The following FRMD3 variants were observed in gnomAD, a reference collection of about 807,000 sequenced individuals.
FRMD3 encodes FERM domain containing 3.
In FRMD3, 33 loss-of-function variants were observed where a neutral mutation model predicts 70.2. The observed-to-expected ratio is 0.47, with a 90% CI of 0.36 to 0.63. FRMD3 has a LOEUF of 0.63. FRMD3 is among the 20% of genes least tolerant of loss of function. The pLI, the probability that FRMD3 is intolerant of heterozygous loss-of-function variation, is 0.00. For synonymous variants in FRMD3, 279 were observed against 255.9 expected, an observed-to-expected ratio of 1.09 and a Z score of -0.86; for missense variants, 632 against 711.4, an observed-to-expected ratio of 0.89 and a Z score of 1.27.
chr9:83,406,897 AT>A (rs762597824), intron 1 of FRMD3, among the ~76,000 whole-genome samples: 23 of 151,950 alleles, frequency 1.5e-4, no homozygotes, highest in Non-Finnish European at 2.9e-4. Flanking sequence ...CCTCCAGTTT[AT>A]TTTATCACTC....
chr9:83,356,433 T>G (rs1041242757), intron 3 of FRMD3, among the ~76,000 whole-genome samples: 3 of 151,660 alleles, frequency 2.0e-5, no homozygotes, highest in East Asian at 3.9e-4. Flanking sequence ...CCGCCACCAC[T>G]TCCGGCTAAT....
chr9:83,456,729 C>A (rs534599114), intron 1 of FRMD3, among the ~76,000 whole-genome samples: 1 of 152,130 alleles, frequency 6.6e-6, no homozygotes, highest in Non-Finnish European at 1.5e-5. Flanking sequence ...CCTGTAATCC[C>A]AGCACTTTGG....
At chr9:83,449,758 G>A (rs1587863842) in intron 1 of FRMD3, among the ~76,000 whole-genome samples, 1 of 152,334 alleles carries the variant, frequency 6.6e-6, no homozygotes, top group East Asian at 1.9e-4. Context: ...TGATGGACTT[G>A]ATCTCAGAAG....
intron 10 of FRMD3, among the ~76,000 whole-genome samples, chr9:83,300,657 T>C (rs1168100650): frequency 1.3e-5 from 2 of 152,210 alleles, no homozygotes; most frequent in Non-Finnish European, 2.9e-5. Flanking sequence ...ATCCATGTAA[T>C]TGAAAACCAT....
chr9:83,461,314 G>T (rs1253196210), intron 1 of FRMD3, among the ~76,000 whole-genome samples: 4 of 152,172 alleles, frequency 2.6e-5, no homozygotes, highest in Non-Finnish European at 4.4e-5. Flanking sequence ...AGCTGGAAAA[G>T]ATAAGAGGTT....
chr9:83,373,630 C>T (rs920904772), intron 2 of FRMD3, among the ~76,000 whole-genome samples: 1 of 103,100 alleles, frequency 9.7e-6, no homozygotes, highest in Non-Finnish European at 2.1e-5. Context: ...CTGGCCCTCT[C>T]TACAGCACAT....
chr9:83,254,080 A>C (rs542887647), intron 13 of FRMD3, among the ~76,000 whole-genome samples: 1 of 151,134 alleles, frequency 6.6e-6, no homozygotes, highest in South Asian at 2.1e-4. Flanking sequence ...ACACTTGAAC[A>C]CAGGAAGGGG....
At position 83,244,967 on chromosome 9, in the gene FRMD3, CAT is replaced by C. The variant is rs989240082; in HGVS notation, c.*2949_*2950del. On this transcript the variant is annotated 3_prime_UTR_variant, in exon 14 of 14. Coordinates refer to ENST00000304195, the MANE Select transcript of FRMD3 (RefSeq NM_174938.6). Reference sequence around the variant, plus strand: ...ATATTGTGTGTGTATATGTATTTGCCATATGTGTGTGTGTATTATATATATTT... The same window carrying C: ...ATATTGTGTGTGTATATGTATTTGCCATGTGTGTGTGTATTATATATATTT... 1.0e-6 allele frequency: 1 copy of C among 981,716 alleles called. No homozygotes were observed. The highest frequency in any genetic ancestry group is 1.2e-6 in the Non-Finnish European group (1 of 826,680). The allele number at this position is 981,716 out of a possible 1,614,324, so 60.8% of individuals were successfully genotyped here.
chr9:83,261,517 T>G (rs1341790184), intron 13 of FRMD3, among the ~76,000 whole-genome samples: 1 of 152,200 alleles, frequency 6.6e-6, no homozygotes, highest in Non-Finnish European at 1.5e-5. Flanking sequence ...TTGGTTTCCA[T>G]CCAATGATTC....
intron 4 of FRMD3, 136 bp from the exon 5 acceptor site, chr9:83,343,423 T>C (rs1823842549): frequency 3.2e-6 from 2 of 628,398 alleles, no homozygotes. Flanking sequence ...GCCCAGCCCT[T>C]TGTAGAACAA....
intron 1 of FRMD3, among the ~76,000 whole-genome samples, chr9:83,413,761 C>T (rs1368839657): frequency 6.6e-6 from 1 of 152,024 alleles, no homozygotes; most frequent in Non-Finnish European, 1.5e-5. Flanking sequence ...ACAAAACTGC[C>T]TTCACTAATC....
At chr9:83,578,494 T>G in the FRMD3 span, among the ~76,000 whole-genome samples, 1 of 152,010 alleles carries the variant, frequency 6.6e-6, no homozygotes, top group Non-Finnish European at 1.5e-5. Flanking sequence ...GTGAGATTTA[T>G]CCCAGGGATG....
intron 4 of FRMD3, among the ~76,000 whole-genome samples, chr9:83,345,840 A>G (rs1384976579): frequency 6.6e-6 from 1 of 152,184 alleles, no homozygotes; most frequent in East Asian, 1.9e-4. Context: ...CCACACTTTG[A>G]GTAATAAGGT....
intron 4 of FRMD3, among the ~76,000 whole-genome samples, chr9:83,345,150 C>G (rs142771010): frequency 1.3e-5 from 2 of 152,202 alleles, no homozygotes; most frequent in African/African-American, 4.8e-5. Context: ...CTTTGTCTAA[C>G]ATCTGCTTTA....
rs187851276 is a variant in FRMD3 at position 83,483,986 on chromosome 9, T to C, written c.147+54099A>G. ...TCTGATTCTAAGGATATATACATAATAGGCCTTCTGAGTCACTAAAGAGAA... is the reference window on the plus strand; with the variant it reads ...TCTGATTCTAAGGATATATACATAACAGGCCTTCTGAGTCACTAAAGAGAA... On this transcript the variant is annotated intron_variant, in intron 1 of 13. Coordinates refer to ENST00000304195, the MANE Select transcript of FRMD3 (RefSeq NM_174938.6). 4.1e-4 allele frequency among the ~76,000 whole-genome samples: 62 copies of C among 152,346 alleles called. No individual in the cohort carries two copies. In the East Asian group the frequency reaches 0.012, roughly 28 times the overall value.
the FRMD3 span, among the ~76,000 whole-genome samples, chr9:83,562,623 T>C: frequency 2.0e-5 from 3 of 152,218 alleles, no homozygotes; most frequent in African/African-American, 7.2e-5. Flanking sequence ...TCACCACACG[T>C]GGCTCCAAAT....
chr9:83,546,892 A>AAAAAAAAAAG, the FRMD3 span, among the ~76,000 whole-genome samples: 1 of 149,518 alleles, frequency 6.7e-6, no homozygotes, highest in South Asian at 2.1e-4. Context: ...CTCTGTCTCA[A>AAAAAAAAAAG]AAAAAAAAAA....
chr9:83,491,610 C>T (rs1445782374), intron 1 of FRMD3, among the ~76,000 whole-genome samples: 1 of 152,194 alleles, frequency 6.6e-6, no homozygotes, highest in Non-Finnish European at 1.5e-5. Context: ...GATTCTGCCA[C>T]ATCAGCAACT....
intron 13 of FRMD3, among the ~76,000 whole-genome samples, chr9:83,284,677 G>A (rs1035383937): frequency 2.6e-5 from 4 of 152,194 alleles, no homozygotes; most frequent in African/African-American, 9.7e-5. Flanking sequence ...TGAGCCAAAG[G>A]GAAGAAATGG....
Sources: gnomAD v4.1 joint callset for allele counts (sites outside exome capture counted in the v4.1 genomes callset) on GRCh38, gnomAD v4.1.1 for gene constraint, MANE v1.5 for transcripts, NCBI Gene and HGNC (gene_info 2026-07-23, HGNC 2026-07-21) for gene names.